The following RCN3 variants were observed in gnomAD, a reference collection of about 807,000 sequenced individuals.
The protein encoded by RCN3 is reticulocalbin 3.
In RCN3, 41 loss-of-function variants were observed where a neutral mutation model predicts 35.9. That is an observed-to-expected ratio of 1.14 (90% CI 0.89 to 1.48). The LOEUF (loss-of-function observed/expected upper bound fraction) is 1.48. Ranked by LOEUF, RCN3 falls within the 40% of genes most tolerant of loss-of-function variation. The pLI, the probability that RCN3 is intolerant of heterozygous loss-of-function variation, is 0.00. For missense variants in RCN3, 451 were observed against 471.3 expected (o/e 0.96, Z 0.40); for synonymous variants, 187 against 193.4 (o/e 0.97, Z 0.27).
intron 3 of RCN3, 135 bp downstream of exon 3, chr19:49,534,530 C>A: frequency 1.3e-6 from 1 of 798,324 alleles, no homozygotes; most frequent in Non-Finnish European, 1.9e-6. Flanking sequence ...TTTTAGGAGC[C>A]CATAACTGTG....
At chr19:49,541,594 G>C (rs8102198) in intron 5 of RCN3, among the ~76,000 whole-genome samples, 15,420 of 151,950 alleles carry the variant, frequency 0.1, 1,005 homozygotes, top group African/African-American at 0.18. Flanking sequence ...ACTAAAACTA[G>C]AAAAATTAGC....
At chr19:49,533,340 C>T (rs78970126) in intron 2 of RCN3, among the ~76,000 whole-genome samples, 14,102 of 152,002 alleles carry the variant, frequency 0.093, 782 homozygotes, top group African/African-American at 0.15. Flanking sequence ...GAGGGGGCCG[C>T]GGGGGCCTAG....
rs773413580 is a variant in RCN3 at position 49,542,609 on chromosome 19, A to C, written c.736A>C (p.Arg246=). Residue 246 remains arginine, a synonymous_variant, in exon 6 of 7, where the codon AGG becomes CGG. Transcript: ENST00000270645. ...GGAGCCGGCGTGGGTGCAGACGGAG[A>C]GGCAGCAGTTCCGGGACTTCCGGGA... ...EEEPAWVQTE[R]QQFRDFRDLN... The C allele has an allele frequency of 1.9e-6, 3 of 1,609,622 alleles. No individual in the cohort carries two copies. The highest frequency in any genetic ancestry group is 2.5e-6 in the Non-Finnish European group (3 of 1,178,472).
chr19:49,534,137 G>C (rs568239494), intron 2 of RCN3, 56 bp from the exon 3 acceptor site: 3 of 1,421,558 alleles, frequency 2.1e-6, no homozygotes, highest in East Asian at 5.6e-5. Context: ...GCCCGTGCGA[G>C]GGGCGGGGCC....
At position 49,542,666 on chromosome 19, in the gene RCN3, G is replaced by A. The variant is rs1326791405; in HGVS notation, c.793G>A (p.Glu265Lys). 1.9e-5 allele frequency: 31 copies of A among 1,601,054 alleles called. No homozygotes were observed. The highest frequency in any genetic ancestry group is 5.7e-5 in the South Asian group (5 of 88,348). The change falls in exon 6 of 7, where the codon GAG (glutamate) becomes AAG (lysine). Residue 265 changes from glutamate to lysine, a missense_variant. By Grantham distance (56) the Glu-to-Lys change is moderately conservative (BLOSUM62 1). Transcript: ENST00000270645. ...CAAGGATGGGCACCTGGATGGGAGT[G>A]AGGTGGGCCACTGGGTGCTGCCCCC... Reference protein sequence around the residue: ...LNKDGHLDGSEVGHWVLPPAQ... With the variant: ...LNKDGHLDGSKVGHWVLPPAQ...
Position 49,534,302 on chromosome 19 carries a change from G to A in RCN3, c.352G>A (p.Val118Met). The A allele has an allele frequency of 6.7e-7, 1 of 1,491,280 alleles. No homozygotes were observed. The highest frequency in any genetic ancestry group is 8.9e-7 in the Non-Finnish European group (1 of 1,122,382). 92.4% of individuals were successfully genotyped at this position (1,491,280 alleles called of 1,614,324 possible). ...GCAGCAGCGGCACATACGGGACTCG[G>A]TGAGCGCGGCCTGGGACACGTACGA... ...HTQQRHIRDS[V>M]SAAWDTYDTD... The change falls in exon 3 of 7, where the codon GTG becomes ATG. Residue 118 changes from valine (V) to methionine (M), a missense_variant. Val to Met is a conservative substitution (Grantham distance 21). Transcript: ENST00000270645.
intron 2 of RCN3, among the ~76,000 whole-genome samples, chr19:49,530,924 T>C (rs1195767561): frequency 6.6e-6 from 1 of 152,144 alleles, no homozygotes; most frequent in African/African-American, 2.4e-5. Context: ...GCAAAGGCCC[T>C]GAGGCAGGAG....
chr19:49,531,290 G>A (rs534369182), intron 2 of RCN3, among the ~76,000 whole-genome samples: 2 of 152,288 alleles, frequency 1.3e-5, no homozygotes, highest in Non-Finnish European at 2.9e-5. Context: ...CTGCACTCCA[G>A]CCTAAGCAAC....
At chr19:49,534,910 CCT>C (rs1335627584) in intron 3 of RCN3, among the ~76,000 whole-genome samples, 1 of 152,086 alleles carries the variant, frequency 6.6e-6, no homozygotes, top group East Asian at 1.9e-4. Flanking sequence ...TTACTCAGCC[CCT>C]GACTCTCAGA....
At chr19:49,534,047 G>A in intron 2 of RCN3, 146 bp from the exon 3 acceptor site, 1 of 830,120 alleles carries the variant, frequency 1.2e-6, no homozygotes, top group Middle Eastern at 3.7e-4. Context: ...TCCCGAAATT[G>A]ACCCGCGCCC....
rs1205196408 is a variant in RCN3, at chr19:49,538,161, G to GT, written c.619-939dup. ...GCACAAGCCACCATGTCTGGCTAATGTTTTTTTTTTTTTTTTTTTCAGACG... is the reference window on the plus strand; with the variant it reads ...GCACAAGCCACCATGTCTGGCTAATGTTTTTTTTTTTTTTTTTTTTCAGACG... On this transcript the variant is annotated intron_variant, in intron 4 of 6. Coordinates refer to ENST00000270645, the MANE Select transcript of RCN3 (RefSeq NM_020650.3). 4.1e-3 allele frequency among the ~76,000 whole-genome samples: 489 copies of GT among 120,466 alleles called. 3 individuals carry two copies. Among genetic ancestry groups the GT allele is most frequent in the East Asian group, 5.0e-3 (21 of 4,226 alleles). 79.0% of individuals were successfully genotyped at this position (120,466 alleles called of 152,430 possible). A position where few individuals can be genotyped will look rare whatever the true frequency, so the allele number is the denominator to read the frequency against.
At chr19:49,530,436 G>A (rs1445866087) in intron 2 of RCN3, among the ~76,000 whole-genome samples, 1 of 150,700 alleles carries the variant, frequency 6.6e-6, no homozygotes, top group Non-Finnish European at 1.5e-5. Flanking sequence ...CTCCCAAAGT[G>A]CTGGAATTAA....
intron 3 of RCN3, among the ~76,000 whole-genome samples, chr19:49,535,276 C>A (rs1568710082): frequency 6.6e-6 from 1 of 152,294 alleles, no homozygotes; most frequent in East Asian, 1.9e-4. Context: ...CAATGCCCGT[C>A]CCCTCCTCTC....
At chr19:49,540,958 C>A (rs887961986) in intron 5 of RCN3, among the ~76,000 whole-genome samples, 1 of 134,104 alleles carries the variant, frequency 7.5e-6, no homozygotes, top group Non-Finnish European at 1.6e-5. Context: ...GAGACAGAGT[C>A]TCGCTATTGT....
chr19:49,536,841 A>G (rs1416601852), intron 3 of RCN3, among the ~76,000 whole-genome samples, 192 bp from the exon 4 acceptor site: 3 of 151,100 alleles, frequency 2.0e-5, no homozygotes, highest in African/African-American at 7.3e-5. Flanking sequence ...CCTGACCTCA[A>G]GTGATCTGCC....
At chr19:49,542,834 T>C in intron 6 of RCN3, 82 bp downstream of exon 6, 2 of 1,315,628 alleles carry the variant, frequency 1.5e-6, no homozygotes, top group Non-Finnish European at 2.1e-6. Context: ...GACCTGGGCC[T>C]GGAGCTCAGG....
chr19:49,540,052 G>A (rs1052823221), intron 5 of RCN3, among the ~76,000 whole-genome samples: 1 of 151,822 alleles, frequency 6.6e-6, no homozygotes, highest in African/African-American at 2.4e-5. Context: ...TGAAAACATT[G>A]TTTATTCTTT....
intron 3 of RCN3, among the ~76,000 whole-genome samples, chr19:49,536,568 T>C (rs1474471397): frequency 1.3e-5 from 2 of 151,460 alleles, no homozygotes; most frequent in Admixed American, 1.3e-4. Context: ...CCCAAAGTGC[T>C]GGGATTACAG....
At chr19:49,539,269 C>A in intron 5 of RCN3, 90 bp downstream of exon 5, 1 of 1,009,960 alleles carries the variant, frequency 9.9e-7, no homozygotes, top group South Asian at 1.5e-5. Context: ...CATCACCCAT[C>A]ATCAGAGAAC....
Sources: gnomAD v4.1 joint callset for allele counts (sites outside exome capture counted in the v4.1 genomes callset) on GRCh38, gnomAD v4.1.1 for gene constraint, MANE v1.5 for transcripts, NCBI Gene and HGNC (gene_info 2026-07-23, HGNC 2026-07-21) for gene names.